THBS4: variants seen among roughly 807,000 people sequenced by gnomAD.
THBS4 encodes the protein thrombospondin-4.
In THBS4, 90 loss-of-function variants were observed where a neutral mutation model predicts 115.7. The observed-to-expected ratio is 0.78, with a 90% CI of 0.66 to 0.93. THBS4 has a LOEUF of 0.93. THBS4 is among the 40% of genes least tolerant of loss of function. The pLI, the probability that THBS4 is intolerant of heterozygous loss-of-function variation, is 0.00. For missense variants in THBS4, 1,087 were observed against 1,232.7 expected (o/e 0.88, Z 1.77); for synonymous variants, 460 against 479.3 (o/e 0.96, Z 0.53).
At chr5:80,076,590 G>A (rs189092812) in intron 15 of THBS4, among the ~76,000 whole-genome samples, 10 of 152,154 alleles carry the variant, frequency 6.6e-5, no homozygotes, top group Admixed American at 5.9e-4. Flanking sequence ...CTGACTGATA[G>A]GAGCATCTGG....
At chr5:80,079,018 T>C in intron 18 of THBS4, 44 bp from the exon 19 acceptor site, 1 of 1,613,302 alleles carries the variant, frequency 6.2e-7, no homozygotes. Context: ...TTCCAGCTAC[T>C]AGTGTGGTTT....
chr5:80,006,644 C>G (rs369747964), intron 2 of THBS4, among the ~76,000 whole-genome samples: 2 of 152,284 alleles, frequency 1.3e-5, no homozygotes, highest in Non-Finnish European at 1.5e-5. Flanking sequence ...CACACTGGAC[C>G]TCAACATCAC....
At chr5:80,037,288 ATTAAG>A (rs1359560242) in intron 1 of THBS4, among the ~76,000 whole-genome samples, 1 of 152,146 alleles carries the variant, frequency 6.6e-6, no homozygotes, top group Non-Finnish European at 1.5e-5. Flanking sequence ...AGATGATCTG[ATTAAG>A]TTAAGTTTCT....
rs768471554 is a variant in THBS4, at chr5:80,072,413, G to A, written c.1839+17G>A. On this transcript the variant is annotated intron_variant, in intron 14 of 21. Transcript: ENST00000350881. ...CCTAACCAGGTTAGTAGGATACTGGGGAATTCAAACTCCAGGCTGAATTCC... is the reference window on the plus strand; with the variant it reads ...CCTAACCAGGTTAGTAGGATACTGGAGAATTCAAACTCCAGGCTGAATTCC... The A allele has an allele frequency of 1.9e-6, 3 of 1,603,312 alleles. No homozygotes were observed. The highest frequency in any genetic ancestry group is 1.7e-6 in the Non-Finnish European group (2 of 1,170,642).
chr5:80,010,657 G>T (rs1212651211), intron 2 of THBS4, among the ~76,000 whole-genome samples: 1 of 152,198 alleles, frequency 6.6e-6, no homozygotes. Flanking sequence ...TCACTATGGG[G>T]TGCTCCATGA....
intron 15 of THBS4, among the ~76,000 whole-genome samples, chr5:80,074,080 A>C (rs1466579025): frequency 6.6e-6 from 1 of 152,190 alleles, no homozygotes; most frequent in Non-Finnish European, 1.5e-5. Flanking sequence ...GATCCATGGA[A>C]AGTGCTCATT....
At chr5:80,062,684 C>T (rs556784569) in intron 8 of THBS4, among the ~76,000 whole-genome samples, 1 of 152,270 alleles carries the variant, frequency 6.6e-6, no homozygotes, top group South Asian at 2.1e-4. Flanking sequence ...TCCTTCCCCC[C>T]TCCCCCTACC....
chr5:80,054,713 C>T (rs942808645), intron 2 of THBS4, among the ~76,000 whole-genome samples: 1 of 152,104 alleles, frequency 6.6e-6, no homozygotes, highest in Non-Finnish European at 1.5e-5. Context: ...GATTCTCCCA[C>T]CTCGGCCTCC....
intron 2 of THBS4, among the ~76,000 whole-genome samples, chr5:80,006,288 C>A (rs1360491903): frequency 6.6e-6 from 1 of 152,104 alleles, no homozygotes; most frequent in East Asian, 1.9e-4. Context: ...TGGGAGGGAC[C>A]TGGTAGGAGA....
chr5:80,074,278 T>C (rs1257439095), intron 15 of THBS4: 1 of 152,196 alleles, frequency 6.6e-6, no homozygotes, highest in Admixed American at 6.5e-5. Flanking sequence ...AATTGTTCTG[T>C]GGAAGTGAGT....
chr5:80,072,226 A>G, intron 13 of THBS4, 52 bp from the exon 14 acceptor site: 1 of 861,642 alleles, frequency 1.2e-6, no homozygotes, highest in Non-Finnish European at 1.5e-6. Flanking sequence ...TCCAGCACCT[A>G]GAAGAAGTCA....
At chr5:80,082,567 GT>G in intron 21 of THBS4, 22 bp downstream of exon 21, 1 of 1,612,150 alleles carries the variant, frequency 6.2e-7, no homozygotes, top group South Asian at 1.1e-5. Context: ...TCTCGTTACT[GT>G]TCAACATTGT....
intron 2 of THBS4, among the ~76,000 whole-genome samples, chr5:80,027,286 A>G (rs1477760065): frequency 1.3e-5 from 2 of 152,180 alleles, no homozygotes; most frequent in Non-Finnish European, 2.9e-5. Context: ...AAAGAAAGCT[A>G]CAAGAGCAGA....
intron 2 of THBS4, among the ~76,000 whole-genome samples, chr5:80,004,272 A>T (rs955169192): frequency 2.0e-5 from 3 of 152,228 alleles, no homozygotes; most frequent in African/African-American, 7.2e-5. Context: ...TAGAAGGATG[A>T]TGAATGTGTG....
At chr5:80,033,372 T>C (rs927109381), upstream of THBS4, 3 of 172,272 alleles carry the variant, frequency 1.7e-5, no homozygotes, top group African/African-American at 7.2e-5. Context: ...AATGATTACA[T>C]ATATAGTAGA....
intron 10 of THBS4, 97 bp downstream of exon 10, chr5:80,068,222 A>G: frequency 2.1e-6 from 3 of 1,435,260 alleles, no homozygotes; most frequent in Non-Finnish European, 2.9e-6. Flanking sequence ...AAGTACTCCA[A>G]AATGAAAGCA....
At chr5:80,071,651 CACAT>C (rs1292317817) in intron 13 of THBS4, 13 of 74,770 alleles carry the variant, frequency 1.7e-4, no homozygotes, top group African/African-American at 5.7e-5. Context: ...CCCCAACACA[CACAT>C]ACACACACAC....
chr5:79,991,357 A>C, exon 1 of THBS4: 1 of 892,474 alleles, frequency 1.1e-6, no homozygotes, highest in Non-Finnish European at 1.7e-6. Context: ...GAGAGATGAG[A>C]GAAACAACGA....
At chr5:80,007,736 T>A (rs1832046492) in intron 2 of THBS4, among the ~76,000 whole-genome samples, 2 of 152,204 alleles carry the variant, frequency 1.3e-5, no homozygotes, top group Non-Finnish European at 2.9e-5. Context: ...TCAACCAAAA[T>A]GCCGGGCTTG....
Sources: allele counts gnomAD v4.1 joint callset (sites outside exome capture counted in the v4.1 genomes callset), GRCh38; gene constraint gnomAD v4.1.1; transcripts MANE v1.5; gene names NCBI Gene and HGNC (gene_info 2026-07-23, HGNC 2026-07-21).